The following PPM1H variants were observed in gnomAD, a reference collection of about 807,000 sequenced individuals.
The protein encoded by PPM1H is protein phosphatase, Mg2+/Mn2+ dependent 1H.
In PPM1H, 27 loss-of-function variants were observed where a neutral mutation model predicts 54.9. The ratio of observed to expected loss-of-function variants is 0.49; its 90% CI spans 0.36 to 0.68. The LOEUF (loss-of-function observed/expected upper bound fraction) is 0.68, where lower values mean the gene tolerates loss of function less well. Among genes scored for constraint, PPM1H ranks in the 30% least tolerant of loss-of-function variants. The probability of loss-of-function intolerance (pLI) is 0.00; values close to 1 mark genes in which losing one functional copy is unlikely to be tolerated. For synonymous variants in PPM1H, 305 were observed against 270.8 expected (o/e 1.13, Z -1.24); for missense variants, 596 against 667.8 (o/e 0.89, Z 1.19).
At chr12:62,831,790 T>TAC (rs80273207) in intron 2 of PPM1H, among the ~76,000 whole-genome samples, 153 of 148,088 alleles carry the variant, frequency 1.0e-3, no homozygotes, top group Admixed American at 2.9e-3. Flanking sequence ...TATATACGTA[T>TAC]ACACACACAC....
intron 1 of PPM1H, among the ~76,000 whole-genome samples, chr12:62,856,410 T>C (rs527940604): frequency 9.8e-5 from 15 of 152,312 alleles, no homozygotes; most frequent in African/African-American, 3.6e-4. Context: ...CACTATCTTT[T>C]GTTGCCTGAT....
rs555572912 is a variant in PPM1H, at chr12:62,861,659, T to C, written c.246-29380A>G. On this transcript the variant is annotated intron_variant, in intron 1 of 9. Coordinates refer to ENST00000228705, the MANE Select transcript of PPM1H (RefSeq NM_020700.2). Reference sequence around the variant, plus strand: ...ATATGGTTATAGAGAAAGAGGCAGGTGAGGAAACGAACCCTCACCGCTAAG... The same window carrying C: ...ATATGGTTATAGAGAAAGAGGCAGGCGAGGAAACGAACCCTCACCGCTAAG... 2.2e-4 allele frequency among the ~76,000 whole-genome samples: 33 copies of C among 152,282 alleles called. No individual in the cohort carries two copies. In the South Asian group the frequency reaches 4.6e-3, roughly 21 times the overall value.
intron 6 of PPM1H, among the ~76,000 whole-genome samples, chr12:62,708,392 C>A (rs987598595): frequency 4.6e-5 from 7 of 152,140 alleles, no homozygotes. Context: ...CCCAGGCCAC[C>A]GCAGGTGACC....
At chr12:62,765,465 C>A (rs1170507290) in intron 4 of PPM1H, among the ~76,000 whole-genome samples, 1 of 152,194 alleles carries the variant, frequency 6.6e-6, no homozygotes, top group Admixed American at 6.5e-5. Flanking sequence ...GAAAAGCCTG[C>A]AATGGTATCA....
At chr12:62,886,800 G>C (rs948023370) in intron 1 of PPM1H, among the ~76,000 whole-genome samples, 1 of 152,182 alleles carries the variant, frequency 6.6e-6, no homozygotes, top group African/African-American at 2.4e-5. Flanking sequence ...TTTATGCAGA[G>C]AGAAAGGCAT....
chr12:62,803,638 G>A (rs1182861646), intron 2 of PPM1H, among the ~76,000 whole-genome samples: 1 of 152,090 alleles, frequency 6.6e-6, no homozygotes, highest in Non-Finnish European at 1.5e-5. Flanking sequence ...TATTGGTCTT[G>A]GCAATGATTA....
intron 6 of PPM1H, among the ~76,000 whole-genome samples, chr12:62,714,048 C>T (rs1368333885): frequency 2.0e-5 from 3 of 152,086 alleles, no homozygotes; most frequent in Admixed American, 1.3e-4. Flanking sequence ...CCTTGCACCA[C>T]ACCATTCCCA....
At chr12:62,692,526 G>T (rs2076089067) in intron 7 of PPM1H, among the ~76,000 whole-genome samples, 1 of 152,076 alleles carries the variant, frequency 6.6e-6, no homozygotes, top group African/African-American at 2.4e-5. Context: ...GGCTAGACAG[G>T]AACTAGAGAT....
At chr12:62,869,944 C>G (rs985352963) in intron 1 of PPM1H, among the ~76,000 whole-genome samples, 2 of 152,084 alleles carry the variant, frequency 1.3e-5, no homozygotes, top group Non-Finnish European at 2.9e-5. Context: ...CAGAGAGAGG[C>G]CTTCCCAATC....
chr12:62,727,637 A>AT (rs2076297139), intron 5 of PPM1H, among the ~76,000 whole-genome samples: 36 of 139,808 alleles, frequency 2.6e-4, no homozygotes, highest in African/African-American at 8.6e-4. Context: ...TAAAATGCAA[A>AT]TATTATTATT....
intron 8 of PPM1H, 134 bp downstream of exon 8, chr12:62,689,565 C>G (rs1592544660): frequency 6.4e-6 from 4 of 628,566 alleles, no homozygotes; most frequent in East Asian, 5.6e-5. Context: ...GAAAAAGACA[C>G]AGACGTGAGA....
intron 8 of PPM1H, among the ~76,000 whole-genome samples, chr12:62,682,764 A>G (rs983270750): frequency 2.0e-5 from 3 of 151,798 alleles, no homozygotes; most frequent in Admixed American, 1.3e-4. Context: ...TCAGCCTCCC[A>G]AAGCATTGAG....
At chr12:62,785,399 G>A (rs144282888) in intron 4 of PPM1H, among the ~76,000 whole-genome samples, 2 of 152,150 alleles carry the variant, frequency 1.3e-5, no homozygotes, top group African/African-American at 4.8e-5. Flanking sequence ...GGATGGTCTC[G>A]ATCTCCTGAC....
At chr12:62,769,588 G>A (rs900688956) in intron 4 of PPM1H, among the ~76,000 whole-genome samples, 14 of 152,208 alleles carry the variant, frequency 9.2e-5, no homozygotes, top group African/African-American at 3.1e-4. Context: ...TATGGGCAAA[G>A]GCAATTTGTG....
chr12:62,794,420 C>G (rs908345029), intron 3 of PPM1H, among the ~76,000 whole-genome samples: 2 of 152,142 alleles, frequency 1.3e-5, no homozygotes. Context: ...TTTTTATCAA[C>G]AAAGTCTAGC....
chr12:62,761,567 A>C (rs1472516404), intron 4 of PPM1H, among the ~76,000 whole-genome samples: 1 of 152,172 alleles, frequency 6.6e-6, no homozygotes, highest in African/African-American at 2.4e-5. Flanking sequence ...TAAGGTAGAG[A>C]TCTCTACCAC....
intron 6 of PPM1H, among the ~76,000 whole-genome samples, chr12:62,713,099 C>A (rs997009590): frequency 1.3e-5 from 2 of 152,136 alleles, no homozygotes; most frequent in Non-Finnish European, 2.9e-5. Flanking sequence ...CAGCTCCAGA[C>A]CATGTGTGGA....
At chr12:62,753,733 C>G (rs574924403) in intron 4 of PPM1H, among the ~76,000 whole-genome samples, 2 of 152,310 alleles carry the variant, frequency 1.3e-5, no homozygotes, top group East Asian at 3.9e-4. Context: ...GGGGGCTTGC[C>G]TGGGAGAATG....
At chr12:62,737,624 A>T (rs1474719384) in intron 4 of PPM1H, 38 bp from the exon 5 acceptor site, 15 of 1,350,866 alleles carry the variant, frequency 1.1e-5, no homozygotes, top group Non-Finnish European at 1.4e-5. Context: ...AGCCAATCTC[A>T]TAAATGCTCT....
Sources: gnomAD v4.1 joint callset for allele counts (sites outside exome capture counted in the v4.1 genomes callset) on GRCh38, gnomAD v4.1.1 for gene constraint, MANE v1.5 for transcripts, NCBI Gene and HGNC (gene_info 2026-07-23, HGNC 2026-07-21) for gene names.